The following NDUFAF6 variants were observed in gnomAD, a reference collection of about 807,000 sequenced individuals.
NDUFAF6 encodes the protein NADH dehydrogenase (ubiquinone) complex I, assembly factor 6.
A neutral mutation model predicts 40.8 loss-of-function variants in NDUFAF6; 45 were observed. That is an observed-to-expected ratio of 1.10 (90% CI 0.87 to 1.42). The LOEUF (loss-of-function observed/expected upper bound fraction) is 1.42, where lower values mean the gene tolerates loss of function less well. Ranked by LOEUF, NDUFAF6 falls within the 40% of genes most tolerant of loss-of-function variation. The pLI is 0.00. For missense variants in NDUFAF6, 435 were observed against 418.5 expected (o/e 1.04, Z -0.34); for synonymous variants, 185 against 155.9 (o/e 1.19, Z -1.39).
intron 1 of NDUFAF6, among the ~76,000 whole-genome samples, chr8:94,918,135 C>T (rs144358250): frequency 9.9e-5 from 15 of 152,224 alleles, no homozygotes; most frequent in African/African-American, 2.9e-4. Context: ...AAAACTCAAA[C>T]TTCTAAGTGC....
intron 7 of NDUFAF6, among the ~76,000 whole-genome samples, chr8:95,051,766 C>T (rs1369886298): frequency 1.3e-5 from 2 of 152,050 alleles, no homozygotes; most frequent in South Asian, 2.1e-4. Context: ...CTGCGTGGAA[C>T]GAATTAAAGG....
intron 1 of NDUFAF6, chr8:94,896,790 C>T (rs1468388494): frequency 1.3e-5 from 2 of 152,230 alleles, no homozygotes; most frequent in Non-Finnish European, 2.9e-5. Context: ...AAATAGCCGC[C>T]GCCGGATGGG....
chr8:95,089,510 T>G (rs1432543363), intron 2 of NDUFAF6, among the ~76,000 whole-genome samples: 1 of 152,152 alleles, frequency 6.6e-6, no homozygotes, highest in Non-Finnish European at 1.5e-5. Context: ...ATATTCTTAC[T>G]TTTCACATCT....
chr8:95,116,170 AC>A (rs1810132232), intron 5 of NDUFAF6: 2 of 158,722 alleles, frequency 1.3e-5, no homozygotes, highest in Non-Finnish European at 2.7e-5. Context: ...AACCAAAAAA[AC>A]GAACAAACAA....
At chr8:95,077,843 G>T (rs1473014625), downstream of NDUFAF6, among the ~76,000 whole-genome samples, 1 of 152,124 alleles carries the variant, frequency 6.6e-6, no homozygotes, top group African/African-American at 2.4e-5. Context: ...GGGTGGGCTT[G>T]CTGTGGATCT....
chr8:94,977,559 C>T (rs919937272), intron 1 of NDUFAF6, among the ~76,000 whole-genome samples: 3 of 148,900 alleles, frequency 2.0e-5, no homozygotes, highest in African/African-American at 4.9e-5. Flanking sequence ...CTGGCTAGAA[C>T]GAAGCAGGCA....
chr8:94,912,430 G>A (rs1246736349), intron 1 of NDUFAF6, among the ~76,000 whole-genome samples: 1 of 152,188 alleles, frequency 6.6e-6, no homozygotes, highest in Non-Finnish European at 1.5e-5. Context: ...AACACACTAT[G>A]ATAAAGCATT....
intron 2 of NDUFAF6, among the ~76,000 whole-genome samples, chr8:94,995,412 C>T (rs1289308034): frequency 1.3e-5 from 2 of 152,086 alleles, no homozygotes; most frequent in Admixed American, 1.3e-4. Flanking sequence ...ATATACTTAA[C>T]ATTCCTGAAT....
intron 1 of NDUFAF6, among the ~76,000 whole-genome samples, chr8:94,914,776 G>C (rs1819015930): frequency 6.6e-6 from 1 of 151,700 alleles, no homozygotes; most frequent in Admixed American, 6.6e-5. Flanking sequence ...AATTAGCTGG[G>C]CATGGTGATG....
intron 1 of NDUFAF6, among the ~76,000 whole-genome samples, chr8:94,943,068 T>C (rs1248174197): frequency 1.3e-5 from 2 of 152,194 alleles, no homozygotes; most frequent in East Asian, 1.9e-4. Flanking sequence ...TGGGGGGATA[T>C]GCAAAATAAT....
intron 1 of NDUFAF6, among the ~76,000 whole-genome samples, chr8:94,968,755 AAGC>A (rs1824219767): frequency 6.6e-6 from 1 of 152,208 alleles, no homozygotes; most frequent in Admixed American, 6.5e-5. Flanking sequence ...GCGAGAGTAA[AAGC>A]AGGTAAACCA....
chr8:94,996,375 C>G (rs780638478), intron 2 of NDUFAF6, among the ~76,000 whole-genome samples: 14 of 152,320 alleles, frequency 9.2e-5, no homozygotes, highest in Non-Finnish European at 1.5e-4. Flanking sequence ...TCCTCCATAA[C>G]TTATACCTGA....
At chr8:94,930,344 G>A (rs770249128) in intron 1 of NDUFAF6, 1 of 1,269,764 alleles carries the variant, frequency 7.9e-7, no homozygotes, top group East Asian at 2.3e-5. Context: ...TCAAGATAGT[G>A]TCTAAATACA....
At chr8:95,048,358 TAA>T (rs1587137547) in intron 6 of NDUFAF6, 97 bp from the exon 7 acceptor site, 7 of 834,114 alleles carry the variant, frequency 8.4e-6, no homozygotes, top group Middle Eastern at 2.2e-4. Flanking sequence ...TCTCTTGTGC[TAA>T]GTTAGTTTTA....
chr8:95,090,346 A>G (rs557521078), intron 2 of NDUFAF6, among the ~76,000 whole-genome samples: 6 of 152,142 alleles, frequency 3.9e-5, no homozygotes, highest in African/African-American at 1.4e-4. Context: ...TTGTTGTATG[A>G]TTGTGTTTAC....
At chr8:95,020,557 C>T (rs1402960886), upstream of NDUFAF6, among the ~76,000 whole-genome samples, 1 of 152,160 alleles carries the variant, frequency 6.6e-6, no homozygotes, top group Non-Finnish European at 1.5e-5. Context: ...TGAGCAGAGA[C>T]AATGCCACAC....
chr8:95,002,878 G>A (rs1254294568), intron 2 of NDUFAF6, among the ~76,000 whole-genome samples: 1 of 152,166 alleles, frequency 6.6e-6, no homozygotes, highest in East Asian at 1.9e-4. Flanking sequence ...CAAATAATGG[G>A]ATTGTTGCTT....
chr8:95,001,653 C>G (rs543300905), intron 2 of NDUFAF6, among the ~76,000 whole-genome samples: 1 of 152,276 alleles, frequency 6.6e-6, no homozygotes, highest in East Asian at 1.9e-4. Flanking sequence ...TATCCAAAAA[C>G]TAGACTAAGA....
intron 2 of NDUFAF6, among the ~76,000 whole-genome samples, chr8:95,006,355 C>CAAAAA (rs58530398): frequency 1.3e-5 from 1 of 74,984 alleles, no homozygotes. Flanking sequence ...GACTCCGTCT[C>CAAAAA]AAAAAAAAAA....
Sources: allele counts gnomAD v4.1 joint callset (sites outside exome capture counted in the v4.1 genomes callset), GRCh38; gene constraint gnomAD v4.1.1; transcripts MANE v1.5; gene names NCBI Gene and HGNC (gene_info 2026-07-23, HGNC 2026-07-21).